ZDHHC15: variants seen among roughly 807,000 people sequenced by gnomAD.
The protein encoded by ZDHHC15 is zDHHC palmitoyltransferase 15.
A neutral mutation model predicts 31.7 loss-of-function variants in ZDHHC15; 19 were observed. The observed-to-expected ratio is 0.60, with a 90% CI of 0.42 to 0.88. ZDHHC15 has a LOEUF of 0.88. Ranked by LOEUF, ZDHHC15 falls within the 40% of genes least tolerant of loss-of-function variation. ZDHHC15 has a pLI of 0.00. For synonymous variants in ZDHHC15, 103 were observed against 90.0 expected (o/e 1.14, Z -0.82); for missense variants, 209 against 251.2 (o/e 0.83, Z 1.14).
intron 3 of ZDHHC15, among the ~76,000 whole-genome samples, chrX:75,475,940 G>A (rs1310669014): frequency 1.8e-5 from 2 of 111,085 alleles, no homozygotes; most frequent in Non-Finnish European, 3.8e-5. Flanking sequence ...TTTTGGTTAT[G>A]TTTATTCCTA....
chrX:75,452,993 C>A (rs941336181), intron 3 of ZDHHC15, among the ~76,000 whole-genome samples: 44 of 111,511 alleles, frequency 3.9e-4, no homozygotes, highest in Admixed American at 3.8e-4. Flanking sequence ...CAAGAGCAAA[C>A]AAATTCAAAA....
chrX:75,383,975 C>T (rs751800493), intron 10 of ZDHHC15, among the ~76,000 whole-genome samples: 1 of 109,361 alleles, frequency 9.1e-6, no homozygotes, highest in East Asian at 2.9e-4. Flanking sequence ...ATCTCCTGGC[C>T]TCGTGATCTG....
rs920112730 is a variant in ZDHHC15 at position 75,372,491 on chromosome X, C to T, written c.*487G>A. ...TTTAGCCCTGATTTTCACACTATAG[C>T]AGAATTTTGTATAGATATGCTGTAC... is the stretch of plus-strand genomic sequence containing the variant. On this transcript the variant is annotated 3_prime_UTR_variant, in exon 12 of 12. Coordinates refer to ENST00000373367, the MANE Select transcript of ZDHHC15 (RefSeq NM_144969.3). 4.5e-5 allele frequency: 5 copies of T among 111,564 alleles called. No homozygotes were observed. Among genetic ancestry groups the T allele is most frequent in the African/African-American group, 1.6e-4 (5 of 30,745 alleles). 9.2% of individuals were successfully genotyped at this position (111,564 alleles called of 1,213,427 possible).
In ZDHHC15 at chrX:75,450,782, C is replaced by T; in HGVS notation, c.379+20G>A. On this transcript the variant is annotated intron_variant, in intron 4 of 11. Transcript: ENST00000373367. Reference sequence around the variant, plus strand: ...GATACTTGCTGAGCTGCCTCTCTAGCTGCCTTTGGATGAACTGACCTCCAC... The same window carrying T: ...GATACTTGCTGAGCTGCCTCTCTAGTTGCCTTTGGATGAACTGACCTCCAC... The T allele has an allele frequency of 8.3e-7, 1 of 1,210,510 alleles. No homozygotes were observed. The highest frequency in any genetic ancestry group is 1.1e-6 in the Non-Finnish European group (1 of 894,667).
chrX:75,388,354 C>T (rs893481254), intron 10 of ZDHHC15, among the ~76,000 whole-genome samples: 1 of 112,004 alleles, frequency 8.9e-6, no homozygotes, highest in Non-Finnish European at 1.9e-5. Flanking sequence ...CTATCAAAAA[C>T]AATAATCACT....
At chrX:75,514,419 A>G (rs1480176416) in intron 1 of ZDHHC15, among the ~76,000 whole-genome samples, 1 of 112,086 alleles carries the variant, frequency 8.9e-6, no homozygotes, top group African/African-American at 3.2e-5. Context: ...ATTCAACAGG[A>G]TCATTCCAAG....
intron 2 of ZDHHC15, among the ~76,000 whole-genome samples, chrX:75,487,730 C>T (rs1200432078): frequency 2.7e-5 from 3 of 111,910 alleles, no homozygotes; most frequent in African/African-American, 6.5e-5. Context: ...TATTAAGCTA[C>T]TCAAGGAGGC....
chrX:75,454,299 A>C (rs1602653316), intron 3 of ZDHHC15, among the ~76,000 whole-genome samples: 1 of 111,878 alleles, frequency 8.9e-6, no homozygotes, highest in Non-Finnish European at 1.9e-5. Context: ...TACAAAGAGA[A>C]TAAAATACCT....
rs55847003 is a variant in ZDHHC15, at chrX:75,463,575, T to TACAACAACAACAACAACAACAACA, written c.259-12677_259-12654dup. On this transcript the variant is annotated intron_variant, in intron 3 of 11. Transcript: ENST00000373367. ...CCAGAATCTATAAAGAACTCAAATT[T>TACAACAACAACAACAACAACAACA]ACAACAACAACAACAACAACAACAA... is the stretch of plus-strand genomic sequence containing the variant. Among the ~76,000 whole-genome samples, 207 of 100,737 alleles carry TACAACAACAACAACAACAACAACA rather than the reference T, an allele frequency of 2.1e-3. No individual in the cohort carries two copies. In the East Asian group the frequency reaches 0.028, roughly 14 times the overall value. The allele number at this position is 100,737 out of a possible 115,157, so 87.5% of individuals were successfully genotyped here.
rs143337710 is a variant in ZDHHC15, at chrX:75,490,485, G to C, written c.164-11500C>G. On this transcript the variant is annotated intron_variant, in intron 2 of 11. Coordinates refer to ENST00000373367, the MANE Select transcript of ZDHHC15 (RefSeq NM_144969.3). Reference sequence around the variant, plus strand: ...TCTTGGCGATGTGGGCTCTTTTTTGGTTCCATATGAACTTTAAAGTAGTTT... The same window carrying C: ...TCTTGGCGATGTGGGCTCTTTTTTGCTTCCATATGAACTTTAAAGTAGTTT... Among the ~76,000 whole-genome samples, 942 of 111,209 alleles carry C rather than the reference G, an allele frequency of 8.5e-3. 14 individuals are homozygous for C. Among genetic ancestry groups the C allele is most frequent in the African/African-American group, 0.03 (906 of 30,583 alleles).
intron 10 of ZDHHC15, among the ~76,000 whole-genome samples, chrX:75,386,963 C>T (rs758736205): frequency 9.0e-6 from 1 of 111,196 alleles, no homozygotes; most frequent in Admixed American, 9.5e-5. Context: ...ACCTTCCTTA[C>T]TAGGAAATAA....
At chrX:75,520,428 T>C (rs763827109) in intron 1 of ZDHHC15, among the ~76,000 whole-genome samples, 1 of 112,032 alleles carries the variant, frequency 8.9e-6, no homozygotes, top group East Asian at 2.8e-4. Context: ...TTAAATGAAT[T>C]AATATATAGT....
intron 3 of ZDHHC15, among the ~76,000 whole-genome samples, chrX:75,466,311 C>A (rs1007898928): frequency 5.4e-5 from 6 of 111,746 alleles, no homozygotes; most frequent in African/African-American, 9.8e-5. Flanking sequence ...GACAAGGTTG[C>A]AGATAAAAGA....
chrX:75,505,872 G>A (rs374263494), intron 1 of ZDHHC15, 25 bp from the exon 2 acceptor site: 26 of 1,105,624 alleles, frequency 2.4e-5, no homozygotes, highest in Non-Finnish European at 2.5e-6. Context: ...GAGAAAGAGA[G>A]ACAGACAGAC....
At chrX:75,510,673 C>A (rs2085253852) in intron 1 of ZDHHC15, among the ~76,000 whole-genome samples, 1 of 85,607 alleles carries the variant, frequency 1.2e-5, no homozygotes, top group East Asian at 4.4e-4. Flanking sequence ...TGCGCTGCAC[C>A]CACTAACGTG....
chrX:75,460,227 C>T (rs1341965226), intron 3 of ZDHHC15, among the ~76,000 whole-genome samples: 1 of 111,692 alleles, frequency 9.0e-6, no homozygotes, highest in Non-Finnish European at 1.9e-5. Context: ...TGGGCAGGAC[C>T]TCCCTGTGGG....
At chrX:75,452,684 GTCTC>G (rs1316701948) in intron 3 of ZDHHC15, among the ~76,000 whole-genome samples, 1 of 111,898 alleles carries the variant, frequency 8.9e-6, no homozygotes, top group African/African-American at 3.2e-5. Flanking sequence ...ATAACAAACT[GTCTC>G]TCTGACCACA....
At position 75,454,768 on chromosome X, in the gene ZDHHC15, A is replaced by C. The variant is rs1463580861; in HGVS notation, c.259-3846T>G. Among the ~76,000 whole-genome samples, 4 of 111,352 alleles carry C rather than the reference A, an allele frequency of 3.6e-5. No homozygotes were observed. The East Asian group carries it at 8.5e-4, about 24-fold the overall frequency. On this transcript the variant is annotated intron_variant, in intron 3 of 11. Coordinates refer to ENST00000373367, the MANE Select transcript of ZDHHC15 (RefSeq NM_144969.3). ...ACCCTAGAACTTAAAGTATAATAAT[A>C]AAAAATAAAAATGAAAAAATACCTA...
At chrX:75,425,473 G>T (rs1478813533) in intron 7 of ZDHHC15, among the ~76,000 whole-genome samples, 12 of 112,170 alleles carry the variant, frequency 1.1e-4, no homozygotes, top group Non-Finnish European at 3.8e-5. Context: ...TATTTTCCAT[G>T]TGGCACCAGC....
Sources: allele counts gnomAD v4.1 joint callset (sites outside exome capture counted in the v4.1 genomes callset), GRCh38; gene constraint gnomAD v4.1.1; transcripts MANE v1.5; gene names NCBI Gene and HGNC (gene_info 2026-07-23, HGNC 2026-07-21).